AIM2: variants seen among roughly 807,000 people sequenced by gnomAD.
AIM2 encodes the protein absent in melanoma 2.
In AIM2, 30 loss-of-function variants were observed where a neutral mutation model predicts 27.7. The ratio of observed to expected loss-of-function variants is 1.08; its 90% confidence interval spans 0.81 to 1.47. The LOEUF is 1.47. Ranked by LOEUF, AIM2 falls within the 40% of genes most tolerant of loss-of-function variation. The probability of loss-of-function intolerance (pLI) is 0.00; values close to 1 mark genes in which losing one functional copy is unlikely to be tolerated. For missense variants in AIM2, 358 were observed against 411.3 expected, an observed-to-expected ratio of 0.87 and a Z score of 1.12; for synonymous variants, 141 against 145.3, an observed-to-expected ratio of 0.97 and a Z score of 0.21.
At chr1:159,115,903 G>A (rs985315407) in intron 1 of AIM2, among the ~76,000 whole-genome samples, 10 of 151,954 alleles carry the variant, frequency 6.6e-5, no homozygotes, top group African/African-American at 1.9e-4. Context: ...GCAACCTACA[G>A]AATGGGAGAA....
chr1:159,087,861 G>A (rs1008170090), intron 1 of AIM2, among the ~76,000 whole-genome samples: 1 of 152,202 alleles, frequency 6.6e-6, no homozygotes, highest in Non-Finnish European at 1.5e-5. Context: ...GTGAGCCACC[G>A]TGCCCAGCCA....
intron 1 of AIM2, among the ~76,000 whole-genome samples, chr1:159,120,239 CT>C (rs1647497172): frequency 6.6e-6 from 1 of 152,114 alleles, no homozygotes; most frequent in African/African-American, 2.4e-5. Context: ...TCCTTGAGTA[CT>C]TTTCATCCTG....
At chr1:159,060,899 TA>T (rs1246488478), downstream of AIM2, among the ~76,000 whole-genome samples, 2 of 152,350 alleles carry the variant, frequency 1.3e-5, no homozygotes, top group African/African-American at 4.8e-5. Context: ...TTCAAGTGGA[TA>T]AAAAACTTAC....
intron 1 of AIM2, among the ~76,000 whole-genome samples, chr1:159,129,658 G>C (rs1310009649): frequency 6.6e-6 from 1 of 152,150 alleles, no homozygotes; most frequent in African/African-American, 2.4e-5. Flanking sequence ...GAATTAAATG[G>C]AATCATGCCC....
chr1:159,107,029 G>A lies in AIM2; in HGVS notation c.-16+33402C>T, dbSNP rs369848411. Among the ~76,000 whole-genome samples, 132 of 152,336 alleles carry A rather than the reference G, an allele frequency of 8.7e-4. 1 individual carries two copies. Among genetic ancestry groups the A allele is most frequent in the African/African-American group, 3.0e-3 (123 of 41,570 alleles). On this transcript the variant is annotated intron_variant, in intron 1 of 2. Coordinates refer to the AIM2 transcript ENST00000368129. ...ATGCTTCTATAGGATTATTTCCAGA[G>A]ATCATGAAGACCTACCAGTCTTCCA...
intron 1 of AIM2, among the ~76,000 whole-genome samples, chr1:159,106,954 T>C (rs1257556108): frequency 6.6e-6 from 1 of 152,198 alleles, no homozygotes; most frequent in Non-Finnish European, 1.5e-5. Context: ...ACCTTTTACT[T>C]TTAGAACCAT....
At chr1:159,071,020 C>G (rs1026048947) in intron 2 of AIM2, among the ~76,000 whole-genome samples, 1 of 152,206 alleles carries the variant, frequency 6.6e-6, no homozygotes, top group Non-Finnish European at 1.5e-5. Context: ...CCTTAATAAT[C>G]AGGTGCACAT....
intron 1 of AIM2, among the ~76,000 whole-genome samples, chr1:159,124,474 G>T (rs890552190): frequency 2.0e-5 from 3 of 152,092 alleles, no homozygotes; most frequent in African/African-American, 7.2e-5. Context: ...CTGTTCTCTC[G>T]TCTATTGCTG....
Position 159,076,006 on chromosome 1 carries a change from T to C in AIM2, c.-21+627A>G, listed in dbSNP as rs563601267. ...GCTGGAGAAACTCTACTTATACATGTAGAGTTCATGAGTGAAAATTAAAAC... is the reference window on the plus strand; with the variant it reads ...GCTGGAGAAACTCTACTTATACATGCAGAGTTCATGAGTGAAAATTAAAAC... On this transcript the variant is annotated intron_variant, in intron 1 of 5. Transcript: ENST00000368130. Among the ~76,000 whole-genome samples the C allele has an allele frequency of 6.6e-5, 10 of 152,320 alleles. No homozygotes were observed. In the South Asian group the frequency reaches 2.1e-3, roughly 32 times the overall value.
intron 1 of AIM2, among the ~76,000 whole-genome samples, chr1:159,112,934 C>CATATATATATATATATATATATATAT (rs71659252): frequency 2.0e-5 from 3 of 146,504 alleles, no homozygotes; most frequent in African/African-American, 7.7e-5. Context: ...TATATACATA[C>CATATATATATATATATATATATATAT]ATATATATAT....
intron 1 of AIM2, among the ~76,000 whole-genome samples, chr1:159,133,389 A>G (rs910528275): frequency 1.3e-5 from 2 of 152,186 alleles, no homozygotes; most frequent in African/African-American, 4.8e-5. Context: ...GAGAGTTACC[A>G]TAACGAAAAG....
At chr1:159,056,641 G>A in the AIM2 span, among the ~76,000 whole-genome samples, 3 of 148,514 alleles carry the variant, frequency 2.0e-5, no homozygotes, top group Admixed American at 6.8e-5. Context: ...AACAAGGGGA[G>A]GGGTAAGGAC....
intron 4 of AIM2, among the ~76,000 whole-genome samples, 175 bp from the exon 5 acceptor site, chr1:159,063,849 C>G (rs765617262): frequency 6.6e-6 from 1 of 152,112 alleles, no homozygotes; most frequent in Non-Finnish European, 1.5e-5. Flanking sequence ...TCTCTGCCAC[C>G]CCAAGATGGC....
chr1:159,127,743 C>T (rs910670182), intron 1 of AIM2, among the ~76,000 whole-genome samples: 5 of 152,176 alleles, frequency 3.3e-5, no homozygotes, highest in African/African-American at 1.2e-4. Flanking sequence ...TGGGCCCTCA[C>T]CACACACTGT....
chr1:159,125,794 A>G (rs2102044615), intron 1 of AIM2, among the ~76,000 whole-genome samples: 1 of 152,268 alleles, frequency 6.6e-6, no homozygotes, highest in South Asian at 2.1e-4. Context: ...TTTAAGTAAA[A>G]AGTGCTTACT....
At chr1:159,066,408 A>T in intron 3 of AIM2, 79 bp from the exon 4 acceptor site, 1 of 1,433,602 alleles carries the variant, frequency 7.0e-7, no homozygotes, top group African/African-American at 1.4e-5. Context: ...CTACAGTGCT[A>T]AACCTCAGAA....
chr1:159,059,265 A>C (rs993536414), downstream of AIM2, among the ~76,000 whole-genome samples: 1 of 151,316 alleles, frequency 6.6e-6, no homozygotes, highest in African/African-American at 2.4e-5. Context: ...ACACACACAC[A>C]CCAAACACAC....
intron 1 of AIM2, among the ~76,000 whole-genome samples, chr1:159,134,222 C>T (rs1007729898): frequency 9.9e-5 from 15 of 152,170 alleles, no homozygotes; most frequent in African/African-American, 3.1e-4. Flanking sequence ...CCACCAGCAC[C>T]ATTATCACCC....
In AIM2 at chr1:159,063,679, A is replaced by G. The variant is rs939752322; in HGVS notation, c.817-5T>C. ...GTTTTTCTTCTTTTCTGTTACCTAT[A>G]AAAGAAAATCAACACCCAGCCTCTG... On this transcript the variant is annotated splice_polypyrimidine_tract_variant and splice_region_variant and intron_variant, in intron 4 of 5. Coordinates refer to ENST00000368130, the MANE Select transcript of AIM2 (RefSeq NM_004833.3). The G allele has an allele frequency of 1.2e-6, 2 of 1,610,852 alleles. No individual in the cohort carries two copies. Among genetic ancestry groups the G allele is most frequent in the East Asian group, 2.2e-5 (1 of 44,858 alleles).
Sources: gnomAD v4.1 joint callset for allele counts (sites outside exome capture counted in the v4.1 genomes callset) on GRCh38, gnomAD v4.1.1 for gene constraint, MANE v1.5 for transcripts, NCBI Gene and HGNC (gene_info 2026-07-23, HGNC 2026-07-21) for gene names.